BRINP3: variants seen among roughly 807,000 people sequenced by gnomAD.
The protein encoded by BRINP3 is BMP/retinoic acid inducible neural specific 3, also known as BMP/retinoic acid-inducible neural-specific protein 3.
A neutral mutation model predicts 71.0 loss-of-function variants in BRINP3; 19 were observed. The observed-to-expected ratio is 0.27, with a 90% CI of 0.19 to 0.39. BRINP3 has a LOEUF of 0.39. Ranked by LOEUF, BRINP3 falls within the 10% of genes least tolerant of loss-of-function variation. The probability of loss-of-function intolerance (pLI) is 1.00; values close to 1 mark genes in which losing one functional copy is unlikely to be tolerated. For missense variants in BRINP3, 959 were observed against 940.8 expected, an observed-to-expected ratio of 1.02 and a Z score of -0.25; for synonymous variants, 380 against 337.7, an observed-to-expected ratio of 1.13 and a Z score of -1.37.
intron 7 of BRINP3, among the ~76,000 whole-genome samples, chr1:190,121,022 T>A (rs1653605140): frequency 6.6e-6 from 1 of 152,140 alleles, no homozygotes; most frequent in Non-Finnish European, 1.5e-5. Flanking sequence ...AAGAAAGATA[T>A]CTTTTGGTAT....
At chr1:190,264,298 T>C (rs1661458582) in intron 4 of BRINP3, among the ~76,000 whole-genome samples, 1 of 152,206 alleles carries the variant, frequency 6.6e-6, no homozygotes, top group African/African-American at 2.4e-5. Context: ...CAAATGACTT[T>C]AGTGAACACA....
intron 7 of BRINP3, among the ~76,000 whole-genome samples, chr1:190,109,711 C>T (rs1427919275): frequency 6.6e-6 from 1 of 152,212 alleles, no homozygotes; most frequent in Non-Finnish European, 1.5e-5. Flanking sequence ...GAAAAGCAAA[C>T]TCATTCATAC....
At position 190,375,799 on chromosome 1, in the gene BRINP3, T is replaced by C. The variant is rs143524229; in HGVS notation, c.236+78856A>G. 3.5e-3 allele frequency among the ~76,000 whole-genome samples: 527 copies of C among 152,104 alleles called. 4 individuals carry two copies. Among genetic ancestry groups the C allele is most frequent in the African/African-American group, 0.012 (487 of 41,564 alleles). On this transcript the variant is annotated intron_variant, in intron 2 of 7. Coordinates refer to ENST00000367462, the MANE Select transcript of BRINP3 (RefSeq NM_199051.3). Reference sequence around the variant, plus strand: ...AATTTCAAAAAGGCCCTCTGATATATTTGACATCTGGAAACATTACTGGTT... The same window carrying C: ...AATTTCAAAAAGGCCCTCTGATATACTTGACATCTGGAAACATTACTGGTT...
chr1:190,121,448 A>G (rs1571757872), intron 7 of BRINP3, among the ~76,000 whole-genome samples: 2 of 152,200 alleles, frequency 1.3e-5, no homozygotes, highest in Admixed American at 6.5e-5. Context: ...AGTGATAAAA[A>G]TCAAAACAGA....
At chr1:190,439,561 G>T (rs1484564821) in intron 2 of BRINP3, among the ~76,000 whole-genome samples, 1 of 151,718 alleles carries the variant, frequency 6.6e-6, no homozygotes, top group African/African-American at 2.4e-5. Context: ...ATGGGTGTTT[G>T]AATGAATTAA....
chr1:190,294,470 A>G (rs1296760342), intron 2 of BRINP3, among the ~76,000 whole-genome samples: 1 of 151,768 alleles, frequency 6.6e-6, no homozygotes, highest in Admixed American at 6.6e-5. Flanking sequence ...CATGCTGGTC[A>G]TTAACTCTTA....
intron 2 of BRINP3, among the ~76,000 whole-genome samples, chr1:190,443,353 C>G (rs1362071489): frequency 6.7e-6 from 1 of 149,326 alleles, no homozygotes; most frequent in Non-Finnish European, 1.5e-5. Context: ...TGCAGTGAGC[C>G]GAGATCGTGC....
At chr1:190,476,812 T>C (rs971691432) in intron 1 of BRINP3, among the ~76,000 whole-genome samples, 1 of 152,236 alleles carries the variant, frequency 6.6e-6, no homozygotes, top group African/African-American at 2.4e-5. Flanking sequence ...TGAATTAAAA[T>C]ACAATGCCTA....
intron 2 of BRINP3, among the ~76,000 whole-genome samples, chr1:190,432,241 T>C (rs1299597351): frequency 6.6e-6 from 1 of 152,202 alleles, no homozygotes; most frequent in African/African-American, 2.4e-5. Context: ...AGAAATTGCA[T>C]CTTCAACACA....
intron 7 of BRINP3, among the ~76,000 whole-genome samples, chr1:190,139,735 G>A (rs1477067249): frequency 2.6e-5 from 4 of 152,104 alleles, no homozygotes; most frequent in Non-Finnish European, 5.9e-5. Context: ...AGCCAGATTT[G>A]AGACAATATA....
intron 2 of BRINP3, chr1:190,362,347 G>A (rs1045529258): frequency 6.6e-5 from 10 of 152,212 alleles, no homozygotes; most frequent in African/African-American, 2.2e-4. Flanking sequence ...CAGCAGAGCA[G>A]AGAAAAGCTT....
At chr1:190,124,398 T>A (rs1236970965) in intron 7 of BRINP3, among the ~76,000 whole-genome samples, 2 of 152,104 alleles carry the variant, frequency 1.3e-5, no homozygotes, top group Non-Finnish European at 2.9e-5. Context: ...GGAACTCTGT[T>A]AATAGCAGCA....
At chr1:190,282,467 T>G (rs1663113688) in intron 2 of BRINP3, among the ~76,000 whole-genome samples, 1 of 151,978 alleles carries the variant, frequency 6.6e-6, no homozygotes, top group Non-Finnish European at 1.5e-5. Context: ...TATAGCAAAC[T>G]GCATCTGATA....
chr1:190,281,525 C>A (rs772418188), intron 3 of BRINP3, 35 bp downstream of exon 3: 1 of 1,590,154 alleles, frequency 6.3e-7, no homozygotes, highest in South Asian at 1.1e-5. Context: ...TAGGCACAAG[C>A]ACACACAGGC....
At chr1:190,136,130 G>C (rs1161388778) in intron 7 of BRINP3, among the ~76,000 whole-genome samples, 1 of 152,024 alleles carries the variant, frequency 6.6e-6, no homozygotes, top group African/African-American at 2.4e-5. Flanking sequence ...TATTTCATGA[G>C]AGAAATTCCA....
intron 6 of BRINP3, among the ~76,000 whole-genome samples, chr1:190,206,037 A>C (rs1257688395): frequency 6.6e-6 from 1 of 152,006 alleles, no homozygotes; most frequent in East Asian, 1.9e-4. Context: ...ATCCTACTAT[A>C]TTGCTGCTTA....
At chr1:190,237,696 C>G (rs1658659412) in intron 4 of BRINP3, among the ~76,000 whole-genome samples, 1 of 151,974 alleles carries the variant, frequency 6.6e-6, no homozygotes, top group Non-Finnish European at 1.5e-5. Flanking sequence ...ATATCATGGC[C>G]TTTACCTTTT....
At chr1:190,439,406 G>A (rs920867171) in intron 2 of BRINP3, among the ~76,000 whole-genome samples, 1 of 151,846 alleles carries the variant, frequency 6.6e-6, no homozygotes, top group Admixed American at 6.6e-5. Flanking sequence ...TAACAAAAGC[G>A]TGGCATAAGA....
chr1:190,257,048 G>T (rs1660727093), intron 4 of BRINP3, among the ~76,000 whole-genome samples: 3 of 152,208 alleles, frequency 2.0e-5, no homozygotes, highest in Admixed American at 2.0e-4. Flanking sequence ...TGCTAGGTTG[G>T]GGAAGTTCTC....
Sources: allele counts gnomAD v4.1 joint callset (sites outside exome capture counted in the v4.1 genomes callset), GRCh38; gene constraint gnomAD v4.1.1; transcripts MANE v1.5; gene names NCBI Gene and HGNC (gene_info 2026-07-23, HGNC 2026-07-21).